Variants in FRMD4B observed in about 807,000 individuals in gnomAD.
FRMD4B encodes the protein FERM domain-containing protein 4B.
A neutral mutation model predicts 141.5 loss-of-function variants in FRMD4B; 74 were observed. The observed-to-expected ratio is 0.52, with a 90% CI of 0.43 to 0.63. The LOEUF (loss-of-function observed/expected upper bound fraction) is 0.63, where lower values mean the gene tolerates loss of function less well. Among genes scored for constraint, FRMD4B ranks in the 30% least tolerant of loss-of-function variants. The probability of loss-of-function intolerance (pLI) is 0.00; values close to 1 mark genes in which losing one functional copy is unlikely to be tolerated. For missense variants in FRMD4B, 1,366 were observed against 1,253.4 expected (o/e 1.09, Z -1.36); for synonymous variants, 506 against 467.9 (o/e 1.08, Z -1.05).
chr3:69,490,733 C>T (rs148426447), intron 1 of FRMD4B, among the ~76,000 whole-genome samples: 1 of 152,156 alleles, frequency 6.6e-6, no homozygotes, highest in African/African-American at 2.4e-5. Context: ...ATCTTCCTCA[C>T]TAGATCATAT....
At chr3:69,268,295 C>T (rs1468429417) in intron 5 of FRMD4B, among the ~76,000 whole-genome samples, 1 of 151,952 alleles carries the variant, frequency 6.6e-6, no homozygotes, top group Non-Finnish European at 1.5e-5. Flanking sequence ...TTAGGCGATG[C>T]AAGACAGGCA....
intron 1 of FRMD4B, among the ~76,000 whole-genome samples, chr3:69,497,349 A>G (rs1221740447): frequency 6.6e-6 from 1 of 152,218 alleles, no homozygotes; most frequent in Non-Finnish European, 1.5e-5. Context: ...AATGCTTGTC[A>G]AAGTTCATAA....
At chr3:69,516,510 A>T (rs1700758129) in intron 1 of FRMD4B, among the ~76,000 whole-genome samples, 1 of 152,198 alleles carries the variant, frequency 6.6e-6, no homozygotes, top group Non-Finnish European at 1.5e-5. Context: ...AGTAGAAAAC[A>T]CAAAGGAACA....
At chr3:69,403,780 A>G (rs1704606450) in intron 2 of FRMD4B, among the ~76,000 whole-genome samples, 2 of 152,156 alleles carry the variant, frequency 1.3e-5, no homozygotes, top group Non-Finnish European at 2.9e-5. Flanking sequence ...TCTCTATTCC[A>G]AAAGTGTGCA....
chr3:69,323,954 G>A (rs1702100564), intron 1 of FRMD4B, among the ~76,000 whole-genome samples: 1 of 152,104 alleles, frequency 6.6e-6, no homozygotes, highest in Non-Finnish European at 1.5e-5. Flanking sequence ...ACACTGCTCT[G>A]AAAAGCTTGA....
At chr3:69,236,888 T>C (rs1210829385) in intron 7 of FRMD4B, among the ~76,000 whole-genome samples, 1 of 152,216 alleles carries the variant, frequency 6.6e-6, no homozygotes, top group African/African-American at 2.4e-5. Flanking sequence ...CCACTCCTGA[T>C]TATTGCAAGT....
intron 11 of FRMD4B, among the ~76,000 whole-genome samples, chr3:69,212,359 C>CA (rs869309749): frequency 0.019 from 480 of 25,250 alleles, 29 homozygotes; most frequent in African/African-American, 0.046. Flanking sequence ...AACCCCGTCT[C>CA]AAAAAAAAAA....
rs560983648 is a variant in FRMD4B, at chr3:69,179,056, C to T, written c.2851+1843G>A. Among the ~76,000 whole-genome samples the T allele has an allele frequency of 3.3e-5, 5 of 151,986 alleles. No homozygotes were observed. In the South Asian group the frequency reaches 8.3e-4, roughly 25 times the overall value. On this transcript the variant is annotated intron_variant, in intron 21 of 22. Coordinates refer to ENST00000398540, the MANE Select transcript of FRMD4B (RefSeq NM_015123.3). The stretch of plus-strand genomic sequence containing the variant: ...AGAATGACGCCTGCCTGTTGTAATA[C>T]ATTTCTGCAGTTTTAAAGTGGAGAC...
At chr3:69,481,818 C>G (rs549956659) in intron 1 of FRMD4B, among the ~76,000 whole-genome samples, 1 of 152,140 alleles carries the variant, frequency 6.6e-6, no homozygotes, top group African/African-American at 2.4e-5. Context: ...AGATACTCAC[C>G]TCTGGATAAA....
At chr3:69,484,330 A>G (rs1490600448) in intron 1 of FRMD4B, among the ~76,000 whole-genome samples, 1 of 152,146 alleles carries the variant, frequency 6.6e-6, no homozygotes, top group East Asian at 1.9e-4. Context: ...GACACAATGC[A>G]TTCTAGAATT....
chr3:69,171,261 AC>A lies in FRMD4B; in HGVS notation c.*599del, dbSNP rs1445890717. The A allele has an allele frequency of 6.6e-6, 1 of 152,218 alleles. No homozygotes were observed. The highest frequency in any genetic ancestry group is 1.5e-5 in the Non-Finnish European group (1 of 68,064). The allele number at this position is 152,218 out of a possible 1,614,324, so 9.4% of individuals were successfully genotyped here. ...ACCCATTTTATGGTGCTTATGAAAA[AC>A]ATCACTCTTTATAGTATCCTAAAAA... On this transcript the variant is annotated 3_prime_UTR_variant, in exon 23 of 23. Transcript: ENST00000398540.
intron 9 of FRMD4B, among the ~76,000 whole-genome samples, chr3:69,219,204 A>T (rs113781974): frequency 6.6e-6 from 1 of 151,570 alleles, no homozygotes; most frequent in Non-Finnish European, 1.5e-5. Flanking sequence ...AATTAAAGCA[A>T]CGATGCCACT....
intron 2 of FRMD4B, among the ~76,000 whole-genome samples, chr3:69,405,085 T>C (rs1431454310): frequency 1.3e-5 from 2 of 152,228 alleles, no homozygotes; most frequent in African/African-American, 4.8e-5. Context: ...ACCTGGAATT[T>C]ATTGGCTCAT....
At chr3:69,531,905 C>T (rs1345377805) in intron 1 of FRMD4B, among the ~76,000 whole-genome samples, 2 of 152,104 alleles carry the variant, frequency 1.3e-5, no homozygotes, top group South Asian at 4.1e-4. Context: ...AACTGGATGC[C>T]CCATTCTTTC....
chr3:69,477,261 GA>G (rs1315637309), intron 1 of FRMD4B, among the ~76,000 whole-genome samples: 2 of 151,398 alleles, frequency 1.3e-5, no homozygotes, highest in African/African-American at 4.9e-5. Context: ...AGTGGTGAGA[GA>G]GGGCATCCCT....
At chr3:69,486,057 T>A (rs1032190675) in intron 1 of FRMD4B, among the ~76,000 whole-genome samples, 1 of 152,246 alleles carries the variant, frequency 6.6e-6, no homozygotes, top group South Asian at 2.1e-4. Flanking sequence ...CATACACATA[T>A]ATTGGCTACA....
chr3:69,237,614 G>A (rs887674411), intron 7 of FRMD4B, among the ~76,000 whole-genome samples: 4 of 151,998 alleles, frequency 2.6e-5, no homozygotes, highest in South Asian at 2.1e-4. Flanking sequence ...CATTTCTAGC[G>A]CCTTCATGGG....
intron 8 of FRMD4B, among the ~76,000 whole-genome samples, chr3:69,222,377 G>A (rs980057197): frequency 7.1e-6 from 1 of 141,144 alleles, no homozygotes; most frequent in Non-Finnish European, 1.5e-5. Flanking sequence ...TGAGGCAGGA[G>A]AACTGCTTGA....
chr3:69,178,602 G>A (rs1280416040), intron 21 of FRMD4B, among the ~76,000 whole-genome samples: 1 of 150,988 alleles, frequency 6.6e-6, no homozygotes, highest in Non-Finnish European at 1.5e-5. Flanking sequence ...GAGCCAAGGA[G>A]TTTGAGACTG....
Sources: allele counts gnomAD v4.1 joint callset (sites outside exome capture counted in the v4.1 genomes callset), GRCh38; gene constraint gnomAD v4.1.1; transcripts MANE v1.5; gene names NCBI Gene and HGNC (gene_info 2026-07-23, HGNC 2026-07-21).